The following CALN1 variants were observed in gnomAD, a reference collection of about 807,000 sequenced individuals.
CALN1 encodes calcium-binding protein 8.
CALN1 carries 17 observed loss-of-function variants against 30.6 expected under a neutral mutation model. That is an observed-to-expected ratio of 0.56 (90% confidence interval 0.38 to 0.83). The LOEUF is 0.83. Ranked by LOEUF, CALN1 falls within the 40% of genes least tolerant of loss-of-function variation. CALN1 has a pLI of 0.00. For missense variants in CALN1, 291 were observed against 354.9 expected (o/e 0.82, Z 1.45); for synonymous variants, 156 against 131.4 (o/e 1.19, Z -1.28).
rs1469605131 is a variant in CALN1, at chr7:72,290,100, A to T, written c.120-11290T>A. Reference sequence around the variant, plus strand: ...GTCTTAAAAAAAAAAAAAAAAAAAAAAAAAAAAAAAAAAAAAAAAAAAAAA... The same window carrying T: ...GTCTTAAAAAAAAAAAAAAAAAAAATAAAAAAAAAAAAAAAAAAAAAAAAA... On this transcript the variant is annotated intron_variant, in intron 2 of 6. Coordinates refer to ENST00000395275, the MANE Select transcript of CALN1 (RefSeq NM_031468.4). Among the ~76,000 whole-genome samples, 231 of 98,750 alleles carry T rather than the reference A, an allele frequency of 2.3e-3. 8 individuals are homozygous for T. The highest frequency in any genetic ancestry group is 4.8e-3 in the South Asian group (10 of 2,064). 64.8% of individuals were successfully genotyped at this position (98,750 alleles called of 152,430 possible).
chr7:72,192,264 A>C (rs1041815336), intron 3 of CALN1, among the ~76,000 whole-genome samples: 2 of 152,334 alleles, frequency 1.3e-5, no homozygotes, highest in East Asian at 3.9e-4. Flanking sequence ...CAACTGTAAC[A>C]CAACAGTAAG....
At chr7:72,214,190 G>C (rs575072487) in intron 3 of CALN1, among the ~76,000 whole-genome samples, 3 of 152,178 alleles carry the variant, frequency 2.0e-5, no homozygotes, top group Non-Finnish European at 2.9e-5. Flanking sequence ...ATAAATATTT[G>C]TATATTAGGC....
At chr7:72,040,248 G>T (rs951499084) in intron 4 of CALN1, among the ~76,000 whole-genome samples, 16 of 152,196 alleles carry the variant, frequency 1.1e-4, no homozygotes, top group South Asian at 2.1e-4. Context: ...GCTGAGGCAG[G>T]AGGATCCCTT....
the CALN1 span, among the ~76,000 whole-genome samples, chr7:72,477,211 C>CA: frequency 4.1e-5 from 6 of 147,196 alleles, no homozygotes; most frequent in South Asian, 2.1e-4. Context: ...ACTGTCTCAA[C>CA]AAAAAAAGAA....
intron 4 of CALN1, among the ~76,000 whole-genome samples, chr7:72,066,272 C>T (rs928049785): frequency 6.6e-6 from 1 of 152,206 alleles, no homozygotes; most frequent in Non-Finnish European, 1.5e-5. Flanking sequence ...AACTTTTCAA[C>T]ACAATAAAGT....
At position 71,793,288 on chromosome 7, in the gene CALN1, A is replaced by G. The variant is rs534140811; in HGVS notation, c.659-5386T>C. Among the ~76,000 whole-genome samples the G allele has an allele frequency of 7.2e-5, 11 of 152,232 alleles. No homozygotes were observed. The South Asian group carries it at 2.3e-3, about 32-fold the overall frequency. ...GCCATTGCACTGCAGCCTGGGCAAC[A>G]AGAGCGAAACTCCATCTCAAAACAA... On this transcript the variant is annotated intron_variant, in intron 6 of 6. Transcript: ENST00000395275.
intron 5 of CALN1, among the ~76,000 whole-genome samples, chr7:71,953,779 T>G (rs1231564012): frequency 6.6e-6 from 1 of 151,792 alleles, no homozygotes. Flanking sequence ...CCAGTTTCCA[T>G]GTCATGGGGC....
the CALN1 span, among the ~76,000 whole-genome samples, chr7:72,477,803 T>C: frequency 9.7e-3 from 1,470 of 152,310 alleles, 28 homozygotes; most frequent in African/African-American, 0.034. Context: ...CAAGGGATCC[T>C]CCTGCCTCAG....
chr7:72,250,489 A>G (rs1180676146), intron 3 of CALN1, among the ~76,000 whole-genome samples: 1 of 151,952 alleles, frequency 6.6e-6, no homozygotes, highest in Non-Finnish European at 1.5e-5. Flanking sequence ...TGTGGTACAG[A>G]CTCATTTTGG....
intron 3 of CALN1, among the ~76,000 whole-genome samples, chr7:72,214,889 C>G (rs988369742): frequency 2.6e-5 from 4 of 151,634 alleles, no homozygotes; most frequent in African/African-American, 9.7e-5. Context: ...TTATGAGGAT[C>G]TAATGCCTAA....
chr7:71,896,645 G>T (rs1459913739), intron 5 of CALN1, among the ~76,000 whole-genome samples: 2 of 152,094 alleles, frequency 1.3e-5, no homozygotes, highest in Admixed American at 1.3e-4. Context: ...AGTATGAAAG[G>T]AAGGAGGACC....
chr7:72,178,200 A>G (rs1169946837), intron 3 of CALN1, among the ~76,000 whole-genome samples: 1 of 152,256 alleles, frequency 6.6e-6, no homozygotes, highest in African/African-American at 2.4e-5. Context: ...TAGTGCTGTC[A>G]GAAACAGGAA....
intron 2 of CALN1, among the ~76,000 whole-genome samples, chr7:72,351,817 C>T (rs2129559317): frequency 6.6e-6 from 1 of 152,296 alleles, no homozygotes; most frequent in East Asian, 1.9e-4. Flanking sequence ...GGTACATTTA[C>T]ACCTAAATAT....
At chr7:72,428,374 T>G (rs1187493313) in intron 1 of CALN1, among the ~76,000 whole-genome samples, 1 of 151,464 alleles carries the variant, frequency 6.6e-6, no homozygotes, top group South Asian at 2.1e-4. Flanking sequence ...TTGATTTTTT[T>G]TTTGTTTTTA....
chr7:71,980,300 C>T (rs1013392088), intron 5 of CALN1, among the ~76,000 whole-genome samples: 2 of 151,278 alleles, frequency 1.3e-5, no homozygotes, highest in African/African-American at 2.4e-5. Flanking sequence ...GATTCTTCTG[C>T]CTCAGCCTCC....
At chr7:72,413,439 C>T (rs182546740), upstream of CALN1, among the ~76,000 whole-genome samples, 231 of 152,096 alleles carry the variant, frequency 1.5e-3, 2 homozygotes, top group African/African-American at 5.1e-3. Context: ...CTCACATAGA[C>T]TCACATACCA....
chr7:72,452,736 A>C, the CALN1 span, among the ~76,000 whole-genome samples: 4 of 152,188 alleles, frequency 2.6e-5, no homozygotes, highest in African/African-American at 7.2e-5. Context: ...AGATAAGCTT[A>C]TCAGAATAGA....
chr7:71,874,845 C>A (rs995288830), intron 5 of CALN1, among the ~76,000 whole-genome samples: 13 of 151,800 alleles, frequency 8.6e-5, no homozygotes, highest in African/African-American at 3.1e-4. Context: ...GTTGGAAGGG[C>A]TTTATGTGTC....
At chr7:72,477,211 C>A in the CALN1 span, among the ~76,000 whole-genome samples, 91 of 147,232 alleles carry the variant, frequency 6.2e-4, no homozygotes, top group African/African-American at 1.9e-3. Flanking sequence ...ACTGTCTCAA[C>A]AAAAAAAGAA....
Sources: gnomAD v4.1 joint callset for allele counts (sites outside exome capture counted in the v4.1 genomes callset) on GRCh38, gnomAD v4.1.1 for gene constraint, MANE v1.5 for transcripts, NCBI Gene and HGNC (gene_info 2026-07-23, HGNC 2026-07-21) for gene names.